Variants in ALKBH5 observed in about 807,000 individuals in gnomAD.
ALKBH5 encodes alkB homolog 5, RNA demethylase, also known as RNA demethylase ALKBH5.
Under a neutral mutation model 32.1 loss-of-function variants are expected in ALKBH5, and 2 were observed. The observed-to-expected ratio is 0.06, with a 90% CI of 0.03 to 0.20. The LOEUF (loss-of-function observed/expected upper bound fraction) is 0.20, where lower values mean the gene tolerates loss of function less well. Ranked by LOEUF, ALKBH5 falls within the 10% of genes least tolerant of loss-of-function variation. ALKBH5 has a pLI of 1.00. For missense variants in ALKBH5, 352 were observed against 559.5 expected (o/e 0.63, Z 3.74); for synonymous variants, 300 against 231.7 (o/e 1.29, Z -2.68).
intron 2 of ALKBH5, among the ~76,000 whole-genome samples, chr17:18,203,299 G>A (rs1325404402): frequency 6.6e-6 from 1 of 152,138 alleles, no homozygotes; most frequent in Non-Finnish European, 1.5e-5. Flanking sequence ...CTGGGATTTA[G>A]CTTTGCTCTC....
chr17:18,191,848 C>T (rs2047176744), intron 1 of ALKBH5, among the ~76,000 whole-genome samples: 1 of 151,564 alleles, frequency 6.6e-6, no homozygotes, highest in Admixed American at 6.6e-5. Flanking sequence ...ACTTGGGGGT[C>T]TGAGGCAGGA....
At chr17:18,194,725 A>G (rs557158462) in intron 1 of ALKBH5, among the ~76,000 whole-genome samples, 1 of 152,300 alleles carries the variant, frequency 6.6e-6, no homozygotes, top group East Asian at 1.9e-4. Flanking sequence ...TAAGTGGCCA[A>G]GGGGTCTCCT....
Position 18,184,098 on chromosome 17 carries a change from C to G in ALKBH5, c.-146C>G, listed in dbSNP as rs2047119266. On this transcript the variant is annotated 5_prime_UTR_variant, in exon 1 of 4. Transcript: ENST00000399138. ...CCCTACCCCACGCCCGGACCCTCGA[C>G]GCCCCCCGCCGGGTCCCCCACTCAC... 1 of 748,762 alleles carries G rather than the reference C, an allele frequency of 1.3e-6. No individual in the cohort carries two copies. Among genetic ancestry groups the G allele is most frequent in the Non-Finnish European group, 2.2e-6 (1 of 448,936 alleles). 46.4% of individuals were successfully genotyped at this position (748,762 alleles called of 1,614,324 possible).
chr17:18,194,850 A>G, intron 1 of ALKBH5, 105 bp from the exon 2 acceptor site: 1 of 831,666 alleles, frequency 1.2e-6, no homozygotes, highest in Non-Finnish European at 1.9e-6. Context: ...TAATGGGTAG[A>G]GAGCAGCCGT....
Position 18,209,949 on chromosome 17 carries a change from T to C in ALKBH5, c.*1553T>C, listed in dbSNP as rs1325439799. On this transcript the variant is annotated 3_prime_UTR_variant, in exon 4 of 4. Coordinates refer to ENST00000399138, the MANE Select transcript of ALKBH5 (RefSeq NM_017758.4). ...CAATAAAAACCAAATCTAATATATT[T>C]TGAAACAGTTGTCTGATGTTGTTGT... The C allele has an allele frequency of 6.6e-6, 1 of 152,666 alleles. No individual in the cohort carries two copies. The highest frequency in any genetic ancestry group is 2.4e-5 in the African/African-American group (1 of 41,460). The allele number at this position is 152,666 out of a possible 1,614,324, so 9.5% of individuals were successfully genotyped here.
At chr17:18,201,831 A>AG (rs2079681529) in intron 2 of ALKBH5, among the ~76,000 whole-genome samples, 1 of 106,384 alleles carries the variant, frequency 9.4e-6, no homozygotes, top group Non-Finnish European at 2.1e-5. Flanking sequence ...ATAGATAGAT[A>AG]GATAGATGAT....
chr17:18,190,505 C>T (rs1446149290), intron 1 of ALKBH5, among the ~76,000 whole-genome samples: 1 of 148,902 alleles, frequency 6.7e-6, no homozygotes, highest in Non-Finnish European at 1.5e-5. Context: ...GCCAAGATTG[C>T]GCCACTGCAT....
At chr17:18,195,093 C>T in intron 2 of ALKBH5, 58 bp downstream of exon 2, 5 of 1,479,008 alleles carry the variant, frequency 3.4e-6, no homozygotes, top group Non-Finnish European at 4.7e-6. Flanking sequence ...GGAGATGTAG[C>T]TCTGGGTCCA....
rs146644094 is a variant in ALKBH5, at chr17:18,187,798, A to C, written c.770+2785A>C. Among the ~76,000 whole-genome samples the C allele has an allele frequency of 2.5e-3, 379 of 152,298 alleles. 1 individual carries two copies. The highest frequency in any genetic ancestry group is 2.1e-3 in the Non-Finnish European group (143 of 68,034). On this transcript the variant is annotated intron_variant, in intron 1 of 3. Transcript: ENST00000399138. ...CAGAGGTGATGAGCAGTAAAGCTGC[A>C]GATTGGAAGGGAGGGGCTGGTGAAA...
intron 3 of ALKBH5, 125 bp from the exon 4 acceptor site, chr17:18,208,094 A>T (rs1327835004): frequency 9.8e-7 from 1 of 1,016,830 alleles, no homozygotes; most frequent in Non-Finnish European, 1.4e-6. Flanking sequence ...CTCTGCCAGG[A>T]CTACCCTTCG....
chr17:18,188,933 A>G (rs2047156388), intron 1 of ALKBH5, among the ~76,000 whole-genome samples: 1 of 152,062 alleles, frequency 6.6e-6, no homozygotes, highest in Non-Finnish European at 1.5e-5. Flanking sequence ...CGGGCATGGT[A>G]GTGTGCACCT....
chr17:18,186,700 C>T (rs1277223863), intron 1 of ALKBH5, among the ~76,000 whole-genome samples: 1 of 152,166 alleles, frequency 6.6e-6, no homozygotes, highest in Non-Finnish European at 1.5e-5. Flanking sequence ...TTCATCTTTT[C>T]CTCAGAATAG....
At chr17:18,200,080 G>C (rs565547856) in intron 2 of ALKBH5, among the ~76,000 whole-genome samples, 2 of 146,028 alleles carry the variant, frequency 1.4e-5, no homozygotes, top group Non-Finnish European at 3.0e-5. Flanking sequence ...CTGGGAGACA[G>C]AGCGAGACTC....
At chr17:18,194,884 C>G in intron 1 of ALKBH5, 71 bp from the exon 2 acceptor site, 2 of 1,371,912 alleles carry the variant, frequency 1.5e-6, no homozygotes, top group Non-Finnish European at 2.1e-6. Context: ...TGTTCCTGTC[C>G]TGTTATATCC....
Position 18,184,113 on chromosome 17 carries a change from C to A in ALKBH5, c.-131C>A. Reference sequence around the variant, plus strand: ...GGACCCTCGACGCCCCCCGCCGGGTCCCCCACTCACGCATGGGGGTTCGGC... The same window carrying A: ...GGACCCTCGACGCCCCCCGCCGGGTACCCCACTCACGCATGGGGGTTCGGC... On this transcript the variant is annotated 5_prime_UTR_variant, in exon 1 of 4. Transcript: ENST00000399138. The A allele has an allele frequency of 1.2e-6, 1 of 834,706 alleles. No homozygotes were observed. Among genetic ancestry groups the A allele is most frequent in the Non-Finnish European group, 1.9e-6 (1 of 528,222 alleles). 51.7% of individuals were successfully genotyped at this position (834,706 alleles called of 1,614,324 possible).
rs747500812 is a variant in ALKBH5 at position 18,184,720 on chromosome 17, C to A, written c.477C>A (p.Gly159=). Residue 159 remains glycine, a synonymous_variant, in exon 1 of 4, where the codon GGC becomes GGA. Transcript: ENST00000399138. ...GPGQERLYPP[G]DVDEIPEWVH... is the part of the protein sequence containing the mutation. ...GCCAGGAGCGCCTCTACCCGCCGGG[C>A]GACGTGGACGAGATCCCCGAGTGGG... 2 of 1,613,182 alleles carry A rather than the reference C, an allele frequency of 1.2e-6. No homozygotes were observed. Among genetic ancestry groups the A allele is most frequent in the African/African-American group, 2.7e-5 (2 of 74,934 alleles).
intron 1 of ALKBH5, among the ~76,000 whole-genome samples, chr17:18,193,978 G>A (rs2047191855): frequency 6.6e-6 from 1 of 152,102 alleles, no homozygotes; most frequent in South Asian, 2.1e-4. Flanking sequence ...GCATGTGAGG[G>A]GTATAGGAAG....
At chr17:18,201,995 A>G (rs963675379) in intron 2 of ALKBH5, among the ~76,000 whole-genome samples, 4 of 151,768 alleles carry the variant, frequency 2.6e-5, no homozygotes, top group Non-Finnish European at 4.4e-5. Context: ...AGGCTGGGTG[A>G]TAGACCTTGT....
At chr17:18,203,193 T>C (rs992586142) in intron 2 of ALKBH5, among the ~76,000 whole-genome samples, 3 of 152,168 alleles carry the variant, frequency 2.0e-5, no homozygotes, top group Non-Finnish European at 4.4e-5. Context: ...GTGCTGGGAT[T>C]ACAGGTGTGA....
Sources: gnomAD v4.1 joint callset for allele counts (sites outside exome capture counted in the v4.1 genomes callset) on GRCh38, gnomAD v4.1.1 for gene constraint, MANE v1.5 for transcripts, NCBI Gene and HGNC (gene_info 2026-07-23, HGNC 2026-07-21) for gene names.